The following AKAP10 variants were observed in gnomAD, a reference collection of about 807,000 sequenced individuals.
AKAP10 encodes the protein A-kinase anchoring protein 10, also known as A-kinase anchor protein 10, mitochondrial.
Under a neutral mutation model 80.8 loss-of-function variants are expected in AKAP10, and 24 were observed. The observed-to-expected ratio is 0.30, with a 90% CI of 0.22 to 0.42. The LOEUF is 0.42. AKAP10 is among the 10% of genes least tolerant of loss of function. AKAP10 has a pLI of 1.00. For synonymous variants in AKAP10, 291 were observed against 277.7 expected, an observed-to-expected ratio of 1.05 and a Z score of -0.48; for missense variants, 661 against 794.9, an observed-to-expected ratio of 0.83 and a Z score of 2.03.
chr17:19,968,201 CAAAAAAAA>C (rs34802640), intron 2 of AKAP10, among the ~76,000 whole-genome samples: 2 of 68,912 alleles, frequency 2.9e-5, no homozygotes, highest in Admixed American at 1.8e-4. Flanking sequence ...ACTCCGTCTC[CAAAAAAAA>C]AAAAAAAAAA....
rs566288562 is a variant in AKAP10 at position 19,911,234 on chromosome 17, G to A, written c.1835-1256C>T. ...GAATCACCCCATGCACTGTTCTCTC[G>A]TCAGGCCCCCCTGCAGAGTCACTCT... On this transcript the variant is annotated intron_variant, in intron 12 of 14. Coordinates refer to ENST00000225737, the MANE Select transcript of AKAP10 (RefSeq NM_007202.4). Among the ~76,000 whole-genome samples the A allele has an allele frequency of 7.2e-4, 109 of 152,078 alleles. 1 individual carries two copies. The highest frequency in any genetic ancestry group is 2.0e-3 in the Admixed American group (30 of 15,250).
At chr17:19,940,205 T>C (rs1280539130) in intron 7 of AKAP10, among the ~76,000 whole-genome samples, 1 of 152,126 alleles carries the variant, frequency 6.6e-6, no homozygotes, top group African/African-American at 2.4e-5. Flanking sequence ...TTTCCACCAT[T>C]CCATGAGGAC....
chr17:19,970,104 C>T (rs2043475618), intron 1 of AKAP10, among the ~76,000 whole-genome samples: 1 of 152,218 alleles, frequency 6.6e-6, no homozygotes. Context: ...TAGCTAACCA[C>T]CTACCTGCCA....
rs111880034 is a variant in AKAP10, at chr17:19,909,648, A to C, written c.1887+278T>G. 3.4e-3 allele frequency among the ~76,000 whole-genome samples: 515 copies of C among 152,348 alleles called. 3 individuals are homozygous for C. Among genetic ancestry groups the C allele is most frequent in the African/African-American group, 0.011 (463 of 41,590 alleles). Reference sequence around the variant, plus strand: ...GGAAACATTTGAGCTTTTGATCTACACACTGATTACTGATGCCTGCTGGCT... The same window carrying C: ...GGAAACATTTGAGCTTTTGATCTACCCACTGATTACTGATGCCTGCTGGCT... On this transcript the variant is annotated intron_variant, in intron 13 of 14. Coordinates refer to ENST00000225737, the MANE Select transcript of AKAP10 (RefSeq NM_007202.4).
Position 19,947,491 on chromosome 17 carries a change from C to G in AKAP10, c.892G>C (p.Ala298Pro). The G allele has an allele frequency of 6.2e-7, 1 of 1,611,102 alleles. No homozygotes were observed. The highest frequency in any genetic ancestry group is 1.7e-5 in the Admixed American group (1 of 59,952). The part of the protein sequence containing the change: ...GKLMKSIEQD[A>P]VNTFTKYISP... ...ATATATTTGGTAAAAGTATTCACTG[C>G]ATCTTGTTCTATACCTGCAAGGGAA... The change falls in exon 5 of 15, where the codon GCA (alanine) becomes CCA (proline). Residue 298 changes from alanine to proline, a missense_variant. Physicochemically the swap from Ala to Pro is conservative, Grantham distance 27. Coordinates refer to ENST00000225737, the MANE Select transcript of AKAP10 (RefSeq NM_007202.4).
intron 12 of AKAP10, among the ~76,000 whole-genome samples, chr17:19,914,463 G>A (rs1471095221): frequency 6.6e-6 from 1 of 151,884 alleles, no homozygotes; most frequent in African/African-American, 2.4e-5. Flanking sequence ...CAGCCTTGGT[G>A]AAACCCTGTC....
chr17:19,941,906 C>T lies in AKAP10; in HGVS notation c.981G>A (p.Arg327=). 3.7e-6 allele frequency: 6 copies of T among 1,609,530 alleles called. No homozygotes were observed. The highest frequency in any genetic ancestry group is 5.1e-6 in the Non-Finnish European group (6 of 1,177,910). The part of the protein sequence containing the change: ...TEAMRNDIIA[R]ICGEDGQVDP... ...CCACCTGTCCATCTTCTCCACAAAT[C>T]CTTGCTGCAAAAGAAGTTGTAAATA... is the stretch of plus-strand genomic sequence containing the variant. Residue 327 remains arginine, a synonymous_variant, in exon 6 of 15, where the codon AGG becomes AGA. Transcript: ENST00000225737.
intron 14 of AKAP10, among the ~76,000 whole-genome samples, chr17:19,908,961 G>A (rs1240451876): frequency 1.3e-5 from 2 of 152,126 alleles, no homozygotes; most frequent in Admixed American, 6.5e-5. Context: ...CAAGACTACT[G>A]GGCTCTGTTT....
rs1326303031 is a variant in AKAP10, at chr17:19,906,252, GA to G, written c.1984-21del. On this transcript the variant is annotated intron_variant, in intron 14 of 14. Transcript: ENST00000225737. Reference sequence around the variant, plus strand: ...TCATAACTGAAAAAAGAAAAGAAAAGAAAATGGTAAGGTGCATTTCTCTAAC... The same window carrying G: ...TCATAACTGAAAAAAGAAAAGAAAAGAAATGGTAAGGTGCATTTCTCTAAC... 12 of 1,601,396 alleles carry G rather than the reference GA, an allele frequency of 7.5e-6. No homozygotes were observed. Among genetic ancestry groups the G allele is most frequent in the Non-Finnish European group, 1.0e-5 (12 of 1,176,354 alleles).
At chr17:19,929,999 C>CAAAAAAAAAAAAAAAAAAA (rs11365343) in intron 10 of AKAP10, among the ~76,000 whole-genome samples, 1 of 81,846 alleles carries the variant, frequency 1.2e-5, no homozygotes, top group Non-Finnish European at 2.6e-5. Flanking sequence ...CAACAAAAAC[C>CAAAAAAAAAAAAAAAAAAA]AAAAAAAAAA....
chr17:19,966,879 C>G (rs548775507), intron 2 of AKAP10, among the ~76,000 whole-genome samples: 1 of 151,968 alleles, frequency 6.6e-6, no homozygotes, highest in Non-Finnish European at 1.5e-5. Flanking sequence ...GGCTTTAAGC[C>G]TTTATCACTG....
chr17:19,949,432 C>G (rs2043173052), intron 4 of AKAP10, among the ~76,000 whole-genome samples: 1 of 152,016 alleles, frequency 6.6e-6, no homozygotes, highest in African/African-American at 2.4e-5. Context: ...ATTTGGGTTA[C>G]TAAAATCCTA....
At chr17:19,976,951 C>T (rs1257672877) in intron 1 of AKAP10, among the ~76,000 whole-genome samples, 1 of 152,194 alleles carries the variant, frequency 6.6e-6, no homozygotes, top group Non-Finnish European at 1.5e-5. Context: ...CAAAATTAAG[C>T]TGTTTCTACG....
At chr17:19,944,429 A>T (rs1192179050) in intron 5 of AKAP10, among the ~76,000 whole-genome samples, 3 of 152,108 alleles carry the variant, frequency 2.0e-5, no homozygotes, top group Admixed American at 6.5e-5. Context: ...AGGTGAGTAG[A>T]TCATGAGGTC....
Position 19,906,245 on chromosome 17 carries a change from A to T in AKAP10, c.1984-13T>A. The T allele has an allele frequency of 2.5e-6, 4 of 1,603,710 alleles. No individual in the cohort carries two copies. Among genetic ancestry groups the T allele is most frequent in the Non-Finnish European group, 3.4e-6 (4 of 1,177,462 alleles). On this transcript the variant is annotated splice_polypyrimidine_tract_variant and intron_variant, in intron 14 of 14. Coordinates refer to ENST00000225737, the MANE Select transcript of AKAP10 (RefSeq NM_007202.4). ...TTTTGAGTCATAACTGAAAAAAGAA[A>T]AGAAAAGAAAATGGTAAGGTGCATT...
chr17:19,932,793 TG>T (rs980652270), intron 9 of AKAP10, among the ~76,000 whole-genome samples: 38 of 152,110 alleles, frequency 2.5e-4, no homozygotes, highest in African/African-American at 9.2e-4. Context: ...GTTTCCACAT[TG>T]TTTTTTTTTC....
rs1174302551 is a variant in AKAP10 at position 19,909,908 on chromosome 17, C to A, written c.1887+18G>T. ...CACTTATAAACAGAAATCTTTTTAT[C>A]CTAAAGGTAGGATTTACCTCATCAG... On this transcript the variant is annotated intron_variant, in intron 13 of 14. Coordinates refer to ENST00000225737, the MANE Select transcript of AKAP10 (RefSeq NM_007202.4). 1.2e-6 allele frequency: 2 copies of A among 1,611,236 alleles called. No individual in the cohort carries two copies. The highest frequency in any genetic ancestry group is 2.2e-5 in the South Asian group (2 of 90,592).
chr17:19,966,034 T>TA (rs1356185786), intron 2 of AKAP10, among the ~76,000 whole-genome samples: 1 of 152,100 alleles, frequency 6.6e-6, no homozygotes, highest in Non-Finnish European at 1.5e-5. Flanking sequence ...TGCTAGACTC[T>TA]AAAAAATCAC....
intron 4 of AKAP10, among the ~76,000 whole-genome samples, chr17:19,953,409 A>T (rs1396177937): frequency 6.6e-6 from 1 of 152,054 alleles, no homozygotes; most frequent in African/African-American, 2.4e-5. Context: ...AGAAATAATA[A>T]AGAGCAGAAA....
Sources: gnomAD v4.1 joint callset for allele counts (sites outside exome capture counted in the v4.1 genomes callset) on GRCh38, gnomAD v4.1.1 for gene constraint, MANE v1.5 for transcripts, NCBI Gene and HGNC (gene_info 2026-07-23, HGNC 2026-07-21) for gene names.